Variants in ALG10 observed in about 807,000 individuals in gnomAD.
ALG10 encodes dol-P-Glc:Glc(2)Man(9)GlcNAc(2)-PP-Dol alpha-1,2-glucosyltransferase A.
ALG10 carries 25 observed loss-of-function variants against 39.2 expected under a neutral mutation model. The observed-to-expected ratio is 0.64, with a 90% CI of 0.46 to 0.89. The LOEUF is 0.89. ALG10 is among the 40% of genes least tolerant of loss of function. The probability of loss-of-function intolerance (pLI) is 0.00; values close to 1 mark genes in which losing one functional copy is unlikely to be tolerated. For synonymous variants in ALG10, 184 were observed against 193.9 expected, an observed-to-expected ratio of 0.95 and a Z score of 0.42; for missense variants, 486 against 546.6, an observed-to-expected ratio of 0.89 and a Z score of 1.11.
rs1200431249 is a variant in ALG10 at position 34,027,170 on chromosome 12, A to G, written c.*255A>G. On this transcript the variant is annotated 3_prime_UTR_variant, in exon 3 of 3. Coordinates refer to ENST00000266483, the MANE Select transcript of ALG10 (RefSeq NM_032834.4). ...TTTTCAGATATCTCATATCACTCTC[A>G]TAATGTTGGCCCCTTAAAAAGCTTG... 5 of 312,956 alleles carry G rather than the reference A, an allele frequency of 1.6e-5. No individual in the cohort carries two copies. Among genetic ancestry groups the G allele is most frequent in the Non-Finnish European group, 2.3e-5 (4 of 173,972 alleles). The allele number at this position is 312,956 out of a possible 1,614,324, so 19.4% of individuals were successfully genotyped here.
chr12:34,026,747 C>T lies in ALG10; in HGVS notation c.1254C>T (p.Phe418=), dbSNP rs1355210406. ...VPQKLLEFRY[F]ILPYVIYRLN... Reference sequence around the variant, plus strand: ...AGAAACTGCTGGAATTTCGTTACTTCATTTTACCTTATGTCATTTATAGGC... The same window carrying T: ...AGAAACTGCTGGAATTTCGTTACTTTATTTTACCTTATGTCATTTATAGGC... Residue 418 remains phenylalanine (F), a synonymous_variant, in exon 3 of 3, where the codon TTC becomes TTT. Coordinates refer to ENST00000266483, the MANE Select transcript of ALG10 (RefSeq NM_032834.4). The T allele has an allele frequency of 2.5e-6, 4 of 1,613,814 alleles. No homozygotes were observed. The highest frequency in any genetic ancestry group is 3.4e-6 in the Non-Finnish European group (4 of 1,179,872).
At chr12:34,022,464 CTTTG>C (rs1942786545), upstream of ALG10, 3 of 1,418,680 alleles carry the variant, frequency 2.1e-6, no homozygotes, top group Admixed American at 5.3e-5. Context: ...TCCCAGCATC[CTTTG>C]CCTTCCGGTA....
chr12:34,027,496 T>C lies in ALG10; in HGVS notation c.*581T>C, dbSNP rs1237936408. ...TAGTAAATGATAAAGTAGAGACTCATATATGCCTGTCTAGACATCAAATTG... is the reference window on the plus strand; with the variant it reads ...TAGTAAATGATAAAGTAGAGACTCACATATGCCTGTCTAGACATCAAATTG... On this transcript the variant is annotated 3_prime_UTR_variant, in exon 3 of 3. Coordinates refer to ENST00000266483, the MANE Select transcript of ALG10 (RefSeq NM_032834.4). 6.6e-6 allele frequency: 1 copy of C among 152,606 alleles called. No homozygotes were observed. The highest frequency in any genetic ancestry group is 1.5e-5 in the Non-Finnish European group (1 of 68,022). 9.5% of individuals were successfully genotyped at this position (152,606 alleles called of 1,614,324 possible). A position where few individuals can be genotyped will look rare whatever the true frequency, so the allele number is the denominator to read the frequency against.
Position 34,026,987 on chromosome 12 carries a change from G to A in ALG10, c.*72G>A. ...ATTTCTACAAAGAACAACTGAATAG[G>A]TGGAAAACATGGAATTTCTTTTAGG... is the stretch of plus-strand genomic sequence containing the variant. On this transcript the variant is annotated 3_prime_UTR_variant, in exon 3 of 3. Transcript: ENST00000266483. The A allele has an allele frequency of 6.0e-6, 9 of 1,507,120 alleles. No homozygotes were observed. Among genetic ancestry groups the A allele is most frequent in the Non-Finnish European group, 8.1e-6 (9 of 1,115,194 alleles). The allele number at this position is 1,507,120 out of a possible 1,614,324, so 93.4% of individuals were successfully genotyped here.
intron 1 of ALG10, 99 bp downstream of exon 1, chr12:34,022,869 C>T (rs893501687): frequency 1.3e-6 from 2 of 1,527,346 alleles, no homozygotes; most frequent in African/African-American, 2.8e-5. Flanking sequence ...TGTTCCACCC[C>T]CTCAAGCCTC....
At chr12:34,024,330 C>A (rs767300824) in intron 2 of ALG10, among the ~76,000 whole-genome samples, 171 bp downstream of exon 2, 3 of 152,042 alleles carry the variant, frequency 2.0e-5, no homozygotes. Context: ...AGAATAAATT[C>A]GTATTTAAAT....
chr12:34,026,229 A>T lies in ALG10; in HGVS notation c.736A>T (p.Asn246Tyr). The change falls in exon 3 of 3, where the codon AAC becomes TAC. Residue 246 changes from asparagine (N) to tyrosine (Y), a missense_variant. Transcript: ENST00000266483. ...FLLAYSMSFK[N>Y]LSMLLLLTWP... ...TTTGGCTTATTCCATGTCCTTTAAA[A>T]ACTTGAGTATGCTTTTGCTTCTGAC... 1 of 1,614,122 alleles carries T rather than the reference A, an allele frequency of 6.2e-7. No individual in the cohort carries two copies. Among genetic ancestry groups the T allele is most frequent in the Non-Finnish European group, 8.5e-7 (1 of 1,179,982 alleles).
At chr12:34,022,420 G>A (rs1355615562), upstream of ALG10, 2 of 982,078 alleles carry the variant, frequency 2.0e-6, no homozygotes, top group African/African-American at 1.6e-5. Context: ...GTCACTCCGG[G>A]AAACAGCGAC....
chr12:34,027,033 T>C lies in ALG10; in HGVS notation c.*118T>C. 1.8e-6 allele frequency: 2 copies of C among 1,094,688 alleles called. No homozygotes were observed. The highest frequency in any genetic ancestry group is 2.5e-6 in the Non-Finnish European group (2 of 787,486). The allele number at this position is 1,094,688 out of a possible 1,614,324, so 67.8% of individuals were successfully genotyped here. On this transcript the variant is annotated 3_prime_UTR_variant, in exon 3 of 3. Transcript: ENST00000266483. ...TTAGGTGCAGTGGTGGTCTTCAAAT[T>C]ACATTAGTTTTTTTTATATATATTT...
Position 34,027,010 on chromosome 12 carries a change from A to T in ALG10, c.*95A>T. 7.3e-7 allele frequency: 1 copy of T among 1,377,362 alleles called. No individual in the cohort carries two copies. 85.3% of individuals were successfully genotyped at this position (1,377,362 alleles called of 1,614,324 possible). Reference sequence around the variant, plus strand: ...AGGTGGAAAACATGGAATTTCTTTTAGGTGCAGTGGTGGTCTTCAAATTAC... The same window carrying T: ...AGGTGGAAAACATGGAATTTCTTTTTGGTGCAGTGGTGGTCTTCAAATTAC... On this transcript the variant is annotated 3_prime_UTR_variant, in exon 3 of 3. Transcript: ENST00000266483.
Position 34,026,922 on chromosome 12 carries a change from T to C in ALG10, c.*7T>C. On this transcript the variant is annotated 3_prime_UTR_variant, in exon 3 of 3. Coordinates refer to ENST00000266483, the MANE Select transcript of ALG10 (RefSeq NM_032834.4). ...TCAAAGGTTTATGTGGTAATATCAG[T>C]GATATTTCGAACTGTGAAAATGGAC... 1 of 1,612,314 alleles carries C rather than the reference T, an allele frequency of 6.2e-7. No individual in the cohort carries two copies. The highest frequency in any genetic ancestry group is 8.5e-7 in the Non-Finnish European group (1 of 1,179,012).
intron 2 of ALG10, among the ~76,000 whole-genome samples, chr12:34,024,748 AG>A (rs1435444628): frequency 6.6e-6 from 1 of 152,248 alleles, no homozygotes; most frequent in African/African-American, 2.4e-5. Context: ...AGATATAGTA[AG>A]GGTTCAGTAA....
At chr12:34,023,082 T>C (rs2120685666) in intron 1 of ALG10, 3 of 341,160 alleles carry the variant, frequency 8.8e-6, no homozygotes, top group South Asian at 1.0e-4. Flanking sequence ...ATTAAAGGCA[T>C]TCGGGTGCTC....
In ALG10 at chr12:34,026,956, T is replaced by G; in HGVS notation, c.*41T>G. The G allele has an allele frequency of 1.3e-6, 2 of 1,591,820 alleles. No individual in the cohort carries two copies. The highest frequency in any genetic ancestry group is 1.7e-6 in the Non-Finnish European group (2 of 1,165,214). On this transcript the variant is annotated 3_prime_UTR_variant, in exon 3 of 3. Coordinates refer to ENST00000266483, the MANE Select transcript of ALG10 (RefSeq NM_032834.4). ...GAACTGTGAAAATGGACTTAATAAT[T>G]AGACCATTTCTACAAAGAACAACTG...
At chr12:34,023,718 T>C (rs1013527208) in intron 1 of ALG10, 3 of 525,912 alleles carry the variant, frequency 5.7e-6, no homozygotes, top group East Asian at 3.4e-5. Flanking sequence ...TCTTGGAAAA[T>C]AGAAATAGAT....
In ALG10 at chr12:34,022,734, G is replaced by T. The variant is rs1942791164; in HGVS notation, c.135G>T (p.Ala45=). Residue 45 remains alanine, a synonymous_variant, in exon 1 of 3, where the codon GCG becomes GCT. Coordinates refer to ENST00000266483, the MANE Select transcript of ALG10 (RefSeq NM_032834.4). ...ACGAGATCTTCCACCTGCCTCAGGC[G>T]CAGCGCTACTGTGAGGGCCATTTCT... ...YMDEIFHLPQ[A]QRYCEGHFSL... 6.2e-7 allele frequency: 1 copy of T among 1,614,118 alleles called. No individual in the cohort carries two copies. Among genetic ancestry groups the T allele is most frequent in the Non-Finnish European group, 8.5e-7 (1 of 1,180,012 alleles).
At position 34,022,556 on chromosome 12, in the gene ALG10, A is replaced by G. The variant is rs755333631; in HGVS notation, c.-44A>G. On this transcript the variant is annotated 5_prime_UTR_variant, in exon 1 of 3. Coordinates refer to ENST00000266483, the MANE Select transcript of ALG10 (RefSeq NM_032834.4). ...TCCAGCTCGGGTTTCCAGGCTCAGA[A>G]TTTTCCAGGAGTAGGTTCTTGGGCA... 5.0e-6 allele frequency: 8 copies of G among 1,613,526 alleles called. No individual in the cohort carries two copies. The highest frequency in any genetic ancestry group is 5.9e-6 in the Non-Finnish European group (7 of 1,179,784).
rs1309426993 is a variant in ALG10, at chr12:34,026,581, T to G, written c.1088T>G (p.Phe363Cys). ...ACTTTCTATGTGTGGAAAAGAGTTT[T>G]TCAAAGATATGAAACTGTAAAATAT... ...HYTFYVWKRV[F>C]QRYETVKYLL... Residue 363 changes from phenylalanine to cysteine, a missense_variant, in exon 3 of 3, where the codon TTT becomes TGT. Coordinates refer to ENST00000266483, the MANE Select transcript of ALG10 (RefSeq NM_032834.4). 6.2e-7 allele frequency: 1 copy of G among 1,613,892 alleles called. No homozygotes were observed. The highest frequency in any genetic ancestry group is 1.1e-5 in the South Asian group (1 of 91,060).
Position 34,024,042 on chromosome 12 carries a change from A to C in ALG10, c.252A>C (p.Gly84=). ...TCAAACCTGCCATTTGGATCTTTGG[A>C]TGGTCTGAACATGTTGTCTGCTCCA... is the stretch of plus-strand genomic sequence containing the variant. ...GVIKPAIWIF[G]WSEHVVCSIG... The change falls in exon 2 of 3, where the codon GGA becomes GGC. Residue 84 remains glycine, a synonymous_variant. Coordinates refer to ENST00000266483, the MANE Select transcript of ALG10 (RefSeq NM_032834.4). 1 of 1,614,066 alleles carries C rather than the reference A, an allele frequency of 6.2e-7. No individual in the cohort carries two copies. Among genetic ancestry groups the C allele is most frequent in the Non-Finnish European group, 8.5e-7 (1 of 1,180,010 alleles).
Sources: allele counts gnomAD v4.1 joint callset (sites outside exome capture counted in the v4.1 genomes callset), GRCh38; gene constraint gnomAD v4.1.1; transcripts MANE v1.5; gene names NCBI Gene and HGNC (gene_info 2026-07-23, HGNC 2026-07-21).